Variants in PTPRC observed in about 807,000 individuals in gnomAD.
The protein encoded by PTPRC is receptor-type tyrosine-protein phosphatase C.
PTPRC carries 44 observed loss-of-function variants against 155.9 expected under a neutral mutation model. That is an observed-to-expected ratio of 0.28 (90% CI 0.22 to 0.36). The LOEUF (loss-of-function observed/expected upper bound fraction) is 0.36, where lower values mean the gene tolerates loss of function less well. Ranked by LOEUF, PTPRC falls within the 10% of genes least tolerant of loss-of-function variation. The pLI, the probability that PTPRC is intolerant of heterozygous loss-of-function variation, is 1.00. For synonymous variants in PTPRC, 525 were observed against 533.1 expected (o/e 0.98, Z 0.21); for missense variants, 1,401 against 1,564.6 (o/e 0.90, Z 1.76).
chr1:198,716,623 G>T lies in PTPRC; in HGVS notation c.1292-59G>T, dbSNP rs571162556. ...TGTGATGTAGAGACCAAATTAATTAGGTACGTGGTAGTACTGACTTTTAAC... is the reference window on the plus strand; with the variant it reads ...TGTGATGTAGAGACCAAATTAATTATGTACGTGGTAGTACTGACTTTTAAC... On this transcript the variant is annotated intron_variant, in intron 12 of 32. Transcript: ENST00000442510. 50 of 1,450,748 alleles carry T rather than the reference G, an allele frequency of 3.4e-5. No homozygotes were observed. In the East Asian group the frequency reaches 1.1e-3, roughly 32 times the overall value. 89.9% of individuals were successfully genotyped at this position (1,450,748 alleles called of 1,614,324 possible).
chr1:198,650,676 A>G (rs142929969), intron 2 of PTPRC, among the ~76,000 whole-genome samples: 1,535 of 151,906 alleles, frequency 0.01, 23 homozygotes, highest in African/African-American at 0.035. Context: ...TCAACTGGAG[A>G]CATAAACATA....
chr1:198,732,737 G>C lies in PTPRC; in HGVS notation c.2142+181G>C, dbSNP rs543068821. Among the ~76,000 whole-genome samples the C allele has an allele frequency of 1.1e-4, 17 of 151,740 alleles. No individual in the cohort carries two copies. In the East Asian group the frequency reaches 2.9e-3, roughly 26 times the overall value. On this transcript the variant is annotated intron_variant, in intron 20 of 32. Coordinates refer to ENST00000442510, the MANE Select transcript of PTPRC (RefSeq NM_002838.5). ...ATTTATTATGTGACTATTGGTATTA[G>C]GTATAACATAGAATTTTCCTCTACA...
Position 198,706,834 on chromosome 1 carries a change from C to T in PTPRC, c.786C>T (p.Asn262=). The change falls in exon 9 of 33, where the codon AAC becomes AAT. Residue 262 remains asparagine (N), a synonymous_variant. Transcript: ENST00000442510. ...LNVNENVECG[N]NTCTNNEVHN... is the part of the protein sequence containing the mutation. The stretch of plus-strand genomic sequence containing the variant: ...TTAATGAGAATGTGGAATGTGGAAA[C>T]AATACTTGCACAAACAATGAGGTGC... The T allele has an allele frequency of 6.2e-7, 1 of 1,613,076 alleles. No individual in the cohort carries two copies. Among genetic ancestry groups the T allele is most frequent in the Non-Finnish European group, 8.5e-7 (1 of 1,179,220 alleles).
At chr1:198,684,974 G>T (rs1665538836) in intron 2 of PTPRC, among the ~76,000 whole-genome samples, 1 of 151,908 alleles carries the variant, frequency 6.6e-6, no homozygotes, top group Admixed American at 6.6e-5. Context: ...TTGGACATTG[G>T]TGGAGCTCAT....
intron 14 of PTPRC, among the ~76,000 whole-genome samples, chr1:198,721,067 C>A (rs1266692434): frequency 6.6e-6 from 1 of 152,182 alleles, no homozygotes; most frequent in Non-Finnish European, 1.5e-5. Flanking sequence ...CCTTAACGTT[C>A]AAAGTAGGAG....
chr1:198,696,597 A>C, intron 3 of PTPRC, 115 bp from the exon 4 acceptor site: 1 of 848,196 alleles, frequency 1.2e-6, no homozygotes, highest in Non-Finnish European at 2.0e-6. Context: ...ATGTGTAGAT[A>C]TATGTACATA....
In PTPRC at chr1:198,663,907, C is replaced by T. The variant is rs191608231; in HGVS notation, c.73+24566C>T. On this transcript the variant is annotated intron_variant, in intron 2 of 32. Transcript: ENST00000442510. The stretch of plus-strand genomic sequence containing the variant: ...TTAATGTATGACATCATGTTACCTG[C>T]CTAACAACAGAGTATTGAGACAAAA... Among the ~76,000 whole-genome samples the T allele has an allele frequency of 3.2e-3, 489 of 152,030 alleles. 6 individuals are homozygous for T. The highest frequency in any genetic ancestry group is 0.021 in the South Asian group (102 of 4,818).
chr1:198,658,153 G>C (rs1480648519), intron 2 of PTPRC, among the ~76,000 whole-genome samples: 2 of 152,158 alleles, frequency 1.3e-5, no homozygotes, highest in Non-Finnish European at 2.9e-5. Context: ...CAGAGAGAGA[G>C]AGATGTTTTC....
chr1:198,640,069 A>C (rs960962534), intron 2 of PTPRC, among the ~76,000 whole-genome samples: 5 of 151,962 alleles, frequency 3.3e-5, no homozygotes, highest in African/African-American at 1.2e-4. Context: ...AATCATGCAA[A>C]TGCTGTATTC....
At chr1:198,658,456 C>G (rs1312432143) in intron 2 of PTPRC, among the ~76,000 whole-genome samples, 2 of 152,120 alleles carry the variant, frequency 1.3e-5, no homozygotes, top group African/African-American at 4.8e-5. Flanking sequence ...ATGAAAGACA[C>G]AATGTATACA....
intron 12 of PTPRC, among the ~76,000 whole-genome samples, chr1:198,714,739 T>C (rs913892222): frequency 1.3e-5 from 2 of 152,226 alleles, no homozygotes; most frequent in African/African-American, 2.4e-5. Flanking sequence ...GATTATAGTA[T>C]CGTTAAGGCA....
chr1:198,702,564 T>A (rs1192091086), intron 6 of PTPRC, 34 bp downstream of exon 6: 1 of 1,612,750 alleles, frequency 6.2e-7, no homozygotes, highest in East Asian at 2.2e-5. Flanking sequence ...TGTCTTCAGT[T>A]ATAGATAATG....
chr1:198,656,029 G>T (rs921648563), intron 2 of PTPRC, among the ~76,000 whole-genome samples: 30 of 152,134 alleles, frequency 2.0e-4, no homozygotes, highest in African/African-American at 7.0e-4. Context: ...GAACAAAGGA[G>T]ATATCACATA....
At chr1:198,640,651 T>A (rs887132471) in intron 2 of PTPRC, among the ~76,000 whole-genome samples, 7 of 152,012 alleles carry the variant, frequency 4.6e-5, no homozygotes, top group Admixed American at 2.0e-4. Flanking sequence ...CTCAATGAAG[T>A]GATATATGTA....
chr1:198,692,484 T>G (rs1473664111), intron 3 of PTPRC, 111 bp downstream of exon 3: 1 of 1,151,172 alleles, frequency 8.7e-7, no homozygotes, highest in Non-Finnish European at 1.1e-6. Context: ...AGGATAAATT[T>G]TATAATCATG....
chr1:198,704,294 T>C (rs1275698521), intron 7 of PTPRC, among the ~76,000 whole-genome samples, 178 bp from the exon 8 acceptor site: 4 of 152,244 alleles, frequency 2.6e-5, no homozygotes, highest in Non-Finnish European at 5.9e-5. Flanking sequence ...CTCATTCCTT[T>C]ATAATGCTTT....
rs752958303 is a variant in PTPRC at position 198,692,349 on chromosome 1, C to A, written c.76C>A (p.Gln26Lys). ...FLDTEVFVTG[Q>K]SPTPSPTGLT... ...AGATTTTTGTTTCTTCTTTGCAGGG[C>A]AAAGCCCAACACCTTCCCCCACTGG... The change falls in exon 3 of 33, where the codon CAA (glutamine) becomes AAA (lysine). Residue 26 changes from glutamine to lysine, a missense_variant and splice_region_variant. By Grantham distance (53) the Gln-to-Lys change is moderately conservative. This residue lies in a region of PTPRC where 867 missense variants were observed against 970.4 expected (regional missense o/e 0.89). Transcript: ENST00000442510. 2 of 1,516,938 alleles carry A rather than the reference C, an allele frequency of 1.3e-6. No homozygotes were observed. The highest frequency in any genetic ancestry group is 8.9e-7 in the Non-Finnish European group (1 of 1,128,548). 94.0% of individuals were successfully genotyped at this position (1,516,938 alleles called of 1,614,324 possible).
Position 198,735,200 on chromosome 1 carries a change from A to G in PTPRC, c.2351A>G (p.Asn784Ser), listed in dbSNP as rs1456885006. ...TTTGGAGATGTTGTTGTAAAGATCA[A>G]CCAGCACAAAAGATGTCCAGATTAC... is the stretch of plus-strand genomic sequence containing the variant. ...RAFGDVVVKI[N>S]QHKRCPDYII... Residue 784 changes from asparagine to serine, a missense_variant, in exon 23 of 33, where the codon AAC becomes AGC. Asn to Ser is a conservative substitution (Grantham distance 46, BLOSUM62 1). Around this residue, in one of 3 missense-constraint regions of PTPRC, gnomAD observed 867 missense variants for 970.4 expected, o/e 0.89. Transcript: ENST00000442510. 1.1e-5 allele frequency: 17 copies of G among 1,604,600 alleles called. No individual in the cohort carries two copies. The highest frequency in any genetic ancestry group is 3.4e-5 in the Admixed American group (2 of 59,610).
chr1:198,748,593 A>G lies in PTPRC; in HGVS notation c.2938+394A>G, dbSNP rs148881107. ...AAAATTACATCCATTTGTTCTCTAT[A>G]TGTTTCCTTTTTATCCCTTATAACT... On this transcript the variant is annotated intron_variant, in intron 27 of 32. Transcript: ENST00000442510. Among the ~76,000 whole-genome samples, 368 of 151,866 alleles carry G rather than the reference A, an allele frequency of 2.4e-3. 3 individuals are homozygous for G. The highest frequency in any genetic ancestry group is 0.02 in the Admixed American group (299 of 15,208).
Sources: gnomAD v4.1 joint callset for allele counts (sites outside exome capture counted in the v4.1 genomes callset) on GRCh38, gnomAD v4.1.1 for gene constraint, gnomAD v4.1.1 regional missense constraint, MANE v1.5 for transcripts, NCBI Gene and HGNC (gene_info 2026-07-23, HGNC 2026-07-21) for gene names.